The following ITGA6 variants were observed in gnomAD, a reference collection of about 807,000 sequenced individuals.
ITGA6 encodes integrin subunit alpha 6.
ITGA6 carries 63 observed loss-of-function variants against 133.6 expected under a neutral mutation model. The observed-to-expected ratio is 0.47, with a 90% CI of 0.38 to 0.58. ITGA6 has a LOEUF of 0.58. Among genes scored for constraint, ITGA6 ranks in the 20% least tolerant of loss-of-function variants. The pLI, the probability that ITGA6 is intolerant of heterozygous loss-of-function variation, is 0.00. For missense variants in ITGA6, 1,068 were observed against 1,309.4 expected (o/e 0.82, Z 2.85); for synonymous variants, 434 against 482.0 (o/e 0.90, Z 1.30).
intron 23 of ITGA6, among the ~76,000 whole-genome samples, chr2:172,492,193 T>C (rs994198824): frequency 6.6e-6 from 1 of 152,200 alleles, no homozygotes; most frequent in African/African-American, 2.4e-5. Context: ...CCCTGGGGCC[T>C]TTACCTCTCA....
intron 23 of ITGA6, among the ~76,000 whole-genome samples, chr2:172,496,198 T>A (rs1687120851): frequency 6.6e-6 from 1 of 152,250 alleles, no homozygotes; most frequent in Non-Finnish European, 1.5e-5. Flanking sequence ...TTTGTAGATG[T>A]CCCTGTGCTG....
At chr2:172,439,818 C>T (rs1478757349) in intron 1 of ITGA6, among the ~76,000 whole-genome samples, 1 of 152,172 alleles carries the variant, frequency 6.6e-6, no homozygotes, top group Admixed American at 6.5e-5. Flanking sequence ...GCCCAGTGCC[C>T]AGTCCACCTG....
At chr2:172,436,858 A>G (rs1011405566) in intron 1 of ITGA6, among the ~76,000 whole-genome samples, 3 of 152,240 alleles carry the variant, frequency 2.0e-5, no homozygotes, top group Admixed American at 1.3e-4. Context: ...ATAAACAAAA[A>G]GGTGTATTAT....
chr2:172,432,748 G>A (rs1684154005), intron 1 of ITGA6, among the ~76,000 whole-genome samples: 1 of 152,210 alleles, frequency 6.6e-6, no homozygotes, highest in Admixed American at 6.5e-5. Context: ...CCTAACCCCA[G>A]AAATACAGGC....
chr2:172,502,825 G>T (rs1687400620), intron 25 of ITGA6, among the ~76,000 whole-genome samples: 1 of 152,182 alleles, frequency 6.6e-6, no homozygotes, highest in South Asian at 2.1e-4. Context: ...AATTACTCCT[G>T]TAATCCTTTC....
chr2:172,431,714 G>C (rs932257629), intron 1 of ITGA6, among the ~76,000 whole-genome samples: 1 of 152,230 alleles, frequency 6.6e-6, no homozygotes, highest in South Asian at 2.1e-4. Flanking sequence ...TGAATGCTAA[G>C]AGTAGAGAAA....
In ITGA6 at chr2:172,440,112, C is replaced by T. The variant is rs150952035; in HGVS notation, c.182+12142C>T. 5.4e-3 allele frequency among the ~76,000 whole-genome samples: 824 copies of T among 152,272 alleles called. 6 individuals are homozygous for T. Among genetic ancestry groups the T allele is most frequent in the African/African-American group, 0.019 (790 of 41,544 alleles). ...GTGGGTGTTTGCAAATAAGACAGCA[C>T]CTGTTTGCCCTCCTGGCCTTGCTAA... On this transcript the variant is annotated intron_variant, in intron 1 of 25. Coordinates refer to ENST00000684293, the MANE Select transcript of ITGA6 (RefSeq NM_000210.4).
At position 172,451,396 on chromosome 2, in the gene ITGA6, C is replaced by G. The variant is rs11687374; in HGVS notation, c.183-14143C>G. On this transcript the variant is annotated intron_variant, in intron 1 of 25. Coordinates refer to ENST00000684293, the MANE Select transcript of ITGA6 (RefSeq NM_000210.4). ...AGGAGAATCACTTGATCCCAGGAGG[C>G]AGAGGTTGCAGTGAGCCAAGATCGC... 5.6e-3 allele frequency among the ~76,000 whole-genome samples: 844 copies of G among 149,558 alleles called. 6 individuals are homozygous for G. Among genetic ancestry groups the G allele is most frequent in the Non-Finnish European group, 9.3e-3 (629 of 67,738 alleles).
Position 172,486,522 on chromosome 2 carries a change from G to A in ITGA6, c.1855-501G>A, listed in dbSNP as rs879603042. On this transcript the variant is annotated intron_variant, in intron 13 of 25. Coordinates refer to ENST00000684293, the MANE Select transcript of ITGA6 (RefSeq NM_000210.4). The stretch of plus-strand genomic sequence containing the variant: ...TACCTGACCTTAAGCTCTCTGTTTC[G>A]TCATCTCTACAATGGAGATCATAAT... Among the ~76,000 whole-genome samples the A allele has an allele frequency of 3.9e-5, 6 of 152,166 alleles. No individual in the cohort carries two copies. The East Asian group carries it at 7.7e-4, about 20-fold the overall frequency.
At chr2:172,433,715 A>G (rs144552833) in intron 1 of ITGA6, among the ~76,000 whole-genome samples, 2 of 152,182 alleles carry the variant, frequency 1.3e-5, no homozygotes, top group East Asian at 3.9e-4. Context: ...TTTGGTTTTC[A>G]TCACGTTTAA....
At chr2:172,439,036 G>A (rs1684435925) in intron 1 of ITGA6, among the ~76,000 whole-genome samples, 1 of 151,890 alleles carries the variant, frequency 6.6e-6, no homozygotes, top group Admixed American at 6.6e-5. Flanking sequence ...CTCATTTTAG[G>A]TGTGGAGAGA....
intron 20 of ITGA6, 191 bp downstream of exon 20, chr2:172,489,849 A>G (rs1686847131): frequency 3.5e-6 from 2 of 576,000 alleles, no homozygotes; most frequent in Non-Finnish European, 6.2e-6. Context: ...GTTAATGACC[A>G]TTATAGTACA....
chr2:172,504,330 C>A lies in ITGA6; in HGVS notation c.*262C>A, dbSNP rs565058177. ...CAGAAATTCAATTTGGATTTAAAAG[C>A]CTGCTCAATCCCTGAGGACTGATTT... is the stretch of plus-strand genomic sequence containing the variant. On this transcript the variant is annotated 3_prime_UTR_variant, in exon 26 of 26. Transcript: ENST00000684293. The A allele has an allele frequency of 2.8e-6, 3 of 1,083,336 alleles. No homozygotes were observed. The highest frequency in any genetic ancestry group is 2.6e-6 in the Non-Finnish European group (2 of 757,470). 67.1% of individuals were successfully genotyped at this position (1,083,336 alleles called of 1,614,324 possible). A position where few individuals can be genotyped will look rare whatever the true frequency, so the allele number is the denominator to read the frequency against.
intron 1 of ITGA6, among the ~76,000 whole-genome samples, chr2:172,441,632 T>C (rs1426196628): frequency 1.3e-5 from 2 of 148,638 alleles, no homozygotes; most frequent in African/African-American, 2.5e-5. Flanking sequence ...TGTTTTCATC[T>C]GTGAACGAGA....
chr2:172,451,000 C>A (rs1420383772), intron 1 of ITGA6, among the ~76,000 whole-genome samples: 1 of 147,006 alleles, frequency 6.8e-6, no homozygotes, highest in Non-Finnish European at 1.5e-5. Flanking sequence ...TATACACACA[C>A]AAAAATTAGC....
chr2:172,455,804 G>GT (rs1303271038), intron 1 of ITGA6, among the ~76,000 whole-genome samples: 6 of 152,044 alleles, frequency 3.9e-5, no homozygotes, highest in African/African-American at 7.2e-5. Flanking sequence ...AAGGAAAATA[G>GT]TTTTTTTTAT....
At position 172,465,526 on chromosome 2, in the gene ITGA6, G is replaced by A; in HGVS notation, c.183-13G>A. The A allele has an allele frequency of 6.2e-7, 1 of 1,614,120 alleles. No individual in the cohort carries two copies. Among genetic ancestry groups the A allele is most frequent in the South Asian group, 1.1e-5 (1 of 91,088 alleles). ...AAATTCAAATCTCCAAATTGTCTCTGTTTCATCAACAGGTTGCTCGTGGGG... is the reference window on the plus strand; with the variant it reads ...AAATTCAAATCTCCAAATTGTCTCTATTTCATCAACAGGTTGCTCGTGGGG... On this transcript the variant is annotated splice_polypyrimidine_tract_variant and intron_variant, in intron 1 of 25. Coordinates refer to ENST00000684293, the MANE Select transcript of ITGA6 (RefSeq NM_000210.4).
At position 172,497,922 on chromosome 2, in the gene ITGA6, T is replaced by C. The variant is rs181669638; in HGVS notation, c.2989-53T>C. 8.7e-5 allele frequency: 139 copies of C among 1,606,300 alleles called. 1 individual carries two copies. The East Asian group carries it at 2.5e-3, about 29-fold the overall frequency. On this transcript the variant is annotated intron_variant, in intron 23 of 25. Transcript: ENST00000684293. ...CAGAATTAGAACCATAAACTCCTGG[T>C]GTGAACTCTTGCCGCTGTATGTAGT...
At chr2:172,484,208 T>C (rs1435802319) in intron 11 of ITGA6, among the ~76,000 whole-genome samples, 3 of 152,374 alleles carry the variant, frequency 2.0e-5, no homozygotes, top group East Asian at 1.9e-4. Context: ...CTATCCTTTA[T>C]CAGTGCTTCT....
Sources: gnomAD v4.1 joint callset for allele counts (sites outside exome capture counted in the v4.1 genomes callset) on GRCh38, gnomAD v4.1.1 for gene constraint, MANE v1.5 for transcripts, NCBI Gene and HGNC (gene_info 2026-07-23, HGNC 2026-07-21) for gene names.